The following RNF213 variants were observed in gnomAD, a reference collection of about 807,000 sequenced individuals.
RNF213 encodes ring finger protein 213.
In RNF213, 341 loss-of-function variants were observed where a neutral mutation model predicts 514.4. That is an observed-to-expected ratio of 0.66 (90% confidence interval 0.61 to 0.73). RNF213 has a LOEUF of 0.73. Among genes scored for constraint, RNF213 ranks in the 30% least tolerant of loss-of-function variants. The pLI, the probability that RNF213 is intolerant of heterozygous loss-of-function variation, is 0.00. For missense variants in RNF213, 5,767 were observed against 6,615.6 expected (o/e 0.87, Z 4.45); for synonymous variants, 2,655 against 2,658.2 (o/e 1.00, Z 0.04).
chr17:80,278,622 TG>T, intron 3 of RNF213: 2 of 1,002,964 alleles, frequency 2.0e-6, no homozygotes, highest in Non-Finnish European at 2.9e-6. Flanking sequence ...GCTGGGAAGC[TG>T]GTCAGTGCCC....
intron 46 of RNF213, chr17:80,371,558 ATG>A (rs2079518935): frequency 5.3e-6 from 1 of 187,460 alleles, no homozygotes; most frequent in Admixed American, 5.9e-5. Context: ...TTTGTTTTTA[ATG>A]TCTCATAATT....
chr17:80,342,445 C>G (rs2078179889), intron 26 of RNF213, among the ~76,000 whole-genome samples: 1 of 151,850 alleles, frequency 6.6e-6, no homozygotes, highest in African/African-American at 2.4e-5. Context: ...TGTTATGTTG[C>G]ATCAGTTTTG....
chr17:80,288,048 G>C lies in RNF213; in HGVS notation c.495G>C (p.Ala165=), dbSNP rs369472436. The stretch of plus-strand genomic sequence containing the variant: ...CACTGGAGGGTGACGGCCTCTCCGC[G>C]CCCACCGAGGTTGGCGACAGCCCCC... ...TTPLEGDGLS[A]PTEVGDSPLQ... The change falls in exon 4 of 68, where the codon GCG becomes GCC. Residue 165 remains alanine (A), a synonymous_variant. Coordinates refer to ENST00000582970, the MANE Select transcript of RNF213 (RefSeq NM_001256071.3). The surrounding 1 kb of genome is among the most constrained non-coding windows in gnomAD (Gnocchi z 4.9). 3.7e-6 allele frequency: 6 copies of C among 1,604,838 alleles called. No individual in the cohort carries two copies. Among genetic ancestry groups the C allele is most frequent in the Non-Finnish European group, 5.1e-6 (6 of 1,175,730 alleles).
At chr17:80,276,289 G>A (rs927111146) in intron 3 of RNF213, among the ~76,000 whole-genome samples, 10 of 151,740 alleles carry the variant, frequency 6.6e-5, no homozygotes, top group African/African-American at 2.4e-4. Context: ...TAGTAGAGAC[G>A]GGGTTTCTCC....
chr17:80,390,407 G>C (rs1015465960), intron 67 of RNF213, among the ~76,000 whole-genome samples: 4 of 152,172 alleles, frequency 2.6e-5, no homozygotes, highest in African/African-American at 9.7e-5. Flanking sequence ...TCAGACAAGA[G>C]TCTTGCCCTG....
rs1019496722 is a variant in RNF213 at position 80,379,796 on chromosome 17, C to T, written c.13640+82C>T. On this transcript the variant is annotated intron_variant, in intron 55 of 67. Coordinates refer to ENST00000582970, the MANE Select transcript of RNF213 (RefSeq NM_001256071.3). ...TTTTATTCCAGCTGATAAAGTGATACTCAAGATAGTACTAATTACTCCAGT... is the reference window on the plus strand; with the variant it reads ...TTTTATTCCAGCTGATAAAGTGATATTCAAGATAGTACTAATTACTCCAGT... 3.5e-6 allele frequency: 4 copies of T among 1,127,592 alleles called. No individual in the cohort carries two copies. In the African/African-American group the frequency reaches 6.1e-5, roughly 17 times the overall value. 69.8% of individuals were successfully genotyped at this position (1,127,592 alleles called of 1,614,324 possible). A position where few individuals can be genotyped will look rare whatever the true frequency, so the allele number is the denominator to read the frequency against.
In RNF213 at chr17:80,349,919, G is replaced by GCCTT. The variant is rs770679506; in HGVS notation, c.10088+16_10088+19dup. ...TCAAAGAAGTCCGGTGAGGTTCCCT[G>GCCTT]CCTTCCCTGCTGCCCTCTCCCTCCC... is the stretch of plus-strand genomic sequence containing the variant. On this transcript the variant is annotated intron_variant, in intron 30 of 67. Coordinates refer to ENST00000582970, the MANE Select transcript of RNF213 (RefSeq NM_001256071.3). The GCCTT allele has an allele frequency of 1.2e-6, 2 of 1,612,712 alleles. No homozygotes were observed. The highest frequency in any genetic ancestry group is 3.3e-5 in the Admixed American group (2 of 60,014).
chr17:80,361,013 G>A (rs2079035718), intron 38 of RNF213, among the ~76,000 whole-genome samples: 1 of 152,134 alleles, frequency 6.6e-6, no homozygotes, highest in African/African-American at 2.4e-5. Flanking sequence ...TTTCTGGCTT[G>A]CATGCTCTGT....
intron 22 of RNF213, 43 bp from the exon 23 acceptor site, chr17:80,336,118 C>T (rs543708939): frequency 1.1e-4 from 168 of 1,463,582 alleles, no homozygotes; most frequent in Middle Eastern, 1.7e-4. Flanking sequence ...CTTGTGCTAT[C>T]GTGGAATAGT....
intron 32 of RNF213, chr17:80,352,539 C>A: frequency 1.8e-6 from 1 of 542,654 alleles, no homozygotes; most frequent in Non-Finnish European, 3.3e-6. Context: ...AGTTGGTATT[C>A]CAGAAACAGG....
At chr17:80,370,146 G>C (rs1476397471) in intron 46 of RNF213, among the ~76,000 whole-genome samples, 1 of 152,218 alleles carries the variant, frequency 6.6e-6, no homozygotes, top group Non-Finnish European at 1.5e-5. Flanking sequence ...GAACTCAAGA[G>C]GCCAGAATCT....
At chr17:80,362,411 C>T (rs1046560343) in intron 39 of RNF213, among the ~76,000 whole-genome samples, 2 of 152,112 alleles carry the variant, frequency 1.3e-5, no homozygotes, top group Non-Finnish European at 2.9e-5. Context: ...TATAAAACAA[C>T]AATTTTATAA....
chr17:80,273,297 G>T lies in RNF213; in HGVS notation c.154G>T (p.Gly52Trp), dbSNP rs1452934930. Reference sequence around the variant, plus strand: ...GGCCTCGGAGGGTGAAATGGAGTGTGGGCAGGAGCTGAAGGAGGAAGGGGG... The same window carrying T: ...GGCCTCGGAGGGTGAAATGGAGTGTTGGCAGGAGCTGAAGGAGGAAGGGGG... ...ASASEGEMECGQELKEEGGPC... is the reference protein window; with the variant it reads ...ASASEGEMECWQELKEEGGPC... The change falls in exon 3 of 68, where the codon GGG (glycine) becomes TGG (tryptophan). Residue 52 changes from glycine (G) to tryptophan (W), a missense_variant. Coordinates refer to ENST00000582970, the MANE Select transcript of RNF213 (RefSeq NM_001256071.3). 4 of 1,613,530 alleles carry T rather than the reference G, an allele frequency of 2.5e-6. No homozygotes were observed. The highest frequency in any genetic ancestry group is 1.3e-5 in the African/African-American group (1 of 74,892).
intron 61 of RNF213, 131 bp downstream of exon 61, chr17:80,385,752 T>C: frequency 2.5e-6 from 2 of 794,348 alleles, no homozygotes; most frequent in Non-Finnish European, 4.2e-6. Context: ...AGATGGAGTC[T>C]TGCTCTGTCG....
chr17:80,323,588 A>G (rs868303263), intron 17 of RNF213, among the ~76,000 whole-genome samples: 6 of 151,872 alleles, frequency 4.0e-5, no homozygotes, highest in Admixed American at 3.3e-4. Context: ...TGGAGTGCCC[A>G]AGTAGCTGGG....
In RNF213 at chr17:80,347,497, C is replaced by A. The variant is rs1345390606; in HGVS notation, c.9162C>A (p.Ile3054=). 6.2e-7 allele frequency: 1 copy of A among 1,614,062 alleles called. No individual in the cohort carries two copies. Among genetic ancestry groups the A allele is most frequent in the East Asian group, 2.2e-5 (1 of 44,884 alleles). The change falls in exon 29 of 68, where the codon ATC becomes ATA. Residue 3054 remains isoleucine, a synonymous_variant. Transcript: ENST00000582970. This position sits in a 1 kb window ranked among gnomAD's most constrained non-coding sequence, Gnocchi z 7.2. ...CCAAAAACTACGTGGCACTGCAGAT[C>A]CTGCAGCAGACATTCTTCGAGGGGG... ...VLTKNYVALQ[I]LQQTFFEGDQ...
intron 58 of RNF213, 55 bp from the exon 59 acceptor site, chr17:80,383,622 C>A: frequency 6.3e-7 from 1 of 1,597,290 alleles, no homozygotes; most frequent in Non-Finnish European, 8.6e-7. Flanking sequence ...GTGTTACAAT[C>A]TGTTTGTAGC....
In RNF213 at chr17:80,393,882, T is replaced by C. The variant is rs181729267; in HGVS notation, c.*384T>C. The C allele has an allele frequency of 1.9e-4, 46 of 240,204 alleles. No individual in the cohort carries two copies. In the East Asian group the frequency reaches 4.4e-3, roughly 23 times the overall value. The allele number at this position is 240,204 out of a possible 1,614,324, so 14.9% of individuals were successfully genotyped here. A position where few individuals can be genotyped will look rare whatever the true frequency, so the allele number is the denominator to read the frequency against. The stretch of plus-strand genomic sequence containing the variant: ...CTGCCCACCCCTCTTTTTTTTTTTC[T>C]TCTAATTCTGTACTCACAAAAGAGA... On this transcript the variant is annotated 3_prime_UTR_variant, in exon 68 of 68. Transcript: ENST00000582970.
chr17:80,298,645 T>C, intron 11 of RNF213, 127 bp downstream of exon 11: 2 of 993,464 alleles, frequency 2.0e-6, no homozygotes, highest in Non-Finnish European at 3.1e-6. Context: ...TAACACACGC[T>C]CTTTTAACAT....
Sources: gnomAD v4.1 joint callset for allele counts (sites outside exome capture counted in the v4.1 genomes callset) on GRCh38, gnomAD v4.1.1 for gene constraint, Gnocchi (gnomAD v3.1) non-coding constraint, MANE v1.5 for transcripts, NCBI Gene and HGNC (gene_info 2026-07-23, HGNC 2026-07-21) for gene names.